The following EPHB1 variants were observed in gnomAD, a reference collection of about 807,000 sequenced individuals.
EPHB1 encodes the protein EPH receptor B1.
In EPHB1, 30 loss-of-function variants were observed where a neutral mutation model predicts 94.4. The observed-to-expected ratio is 0.32, with a 90% CI of 0.24 to 0.43. The LOEUF is 0.43. EPHB1 is among the 20% of genes least tolerant of loss of function. EPHB1 has a pLI of 1.00. For missense variants in EPHB1, 1,055 were observed against 1,308.3 expected (o/e 0.81, Z 2.99); for synonymous variants, 522 against 489.1 (o/e 1.07, Z -0.89).
chr3:135,006,029 C>G (rs1420609653), intron 3 of EPHB1, among the ~76,000 whole-genome samples: 2 of 152,250 alleles, frequency 1.3e-5, no homozygotes, highest in Admixed American at 6.5e-5. Flanking sequence ...CCTGCTCACT[C>G]TTCTCTCTCC....
In EPHB1 at chr3:135,232,602, A is replaced by T. The variant is rs200861042; in HGVS notation, c.2347-8546A>T. Among the ~76,000 whole-genome samples, 24 of 126,560 alleles carry T rather than the reference A, an allele frequency of 1.9e-4. No individual in the cohort carries two copies. In the East Asian group the frequency reaches 5.1e-3, roughly 27 times the overall value. 83.0% of individuals were successfully genotyped at this position (126,560 alleles called of 152,430 possible). On this transcript the variant is annotated intron_variant, in intron 12 of 15. Transcript: ENST00000398015. Reference sequence around the variant, plus strand: ...GATATACTTGACAGAAACATTAATGAGGCCAATTTGCTGCTTTTTTTCCTT... The same window carrying T: ...GATATACTTGACAGAAACATTAATGTGGCCAATTTGCTGCTTTTTTTCCTT...
At chr3:134,909,434 G>C (rs1222753472) in intron 1 of EPHB1, among the ~76,000 whole-genome samples, 2 of 152,214 alleles carry the variant, frequency 1.3e-5, no homozygotes, top group African/African-American at 4.8e-5. Context: ...TCAAGCTTGG[G>C]GTGGAGGAGC....
chr3:135,199,957 A>T (rs1276006195), intron 11 of EPHB1, among the ~76,000 whole-genome samples: 1 of 152,200 alleles, frequency 6.6e-6, no homozygotes, highest in Non-Finnish European at 1.5e-5. Context: ...CTCATTGTCT[A>T]TGCTTTCTGC....
chr3:134,801,826 A>G (rs1010039620), intron 1 of EPHB1, among the ~76,000 whole-genome samples: 1 of 152,194 alleles, frequency 6.6e-6, no homozygotes, highest in African/African-American at 2.4e-5. Context: ...CATCTGCTCC[A>G]TCAAAGGTCC....
intron 3 of EPHB1, among the ~76,000 whole-genome samples, chr3:135,009,563 T>C (rs1225478863): frequency 6.6e-6 from 1 of 152,208 alleles, no homozygotes; most frequent in Non-Finnish European, 1.5e-5. Context: ...CTGCCAAAGC[T>C]GCAGGCACTG....
chr3:135,133,056 C>G lies in EPHB1; in HGVS notation c.1297+7C>G. The G allele has an allele frequency of 6.4e-7, 1 of 1,568,694 alleles. No individual in the cohort carries two copies. ...ATCACCACAAACCAAGCCGGTAAGT[C>G]TGGAGGCTTCTGTGCTCCTGTTTGG... On this transcript the variant is annotated splice_region_variant and intron_variant, in intron 5 of 15. Transcript: ENST00000398015.
At chr3:135,095,749 TGA>T (rs1938735091) in intron 3 of EPHB1, among the ~76,000 whole-genome samples, 1 of 152,176 alleles carries the variant, frequency 6.6e-6, no homozygotes, top group South Asian at 2.1e-4. Flanking sequence ...GGTCCTTGAC[TGA>T]GTCATTTTCA....
chr3:135,145,934 C>T (rs569018631), intron 5 of EPHB1, among the ~76,000 whole-genome samples: 5 of 152,290 alleles, frequency 3.3e-5, no homozygotes, highest in South Asian at 2.1e-4. Flanking sequence ...GAGAAGAGCC[C>T]GCAATCATTG....
At chr3:135,185,663 G>C (rs986867933) in intron 10 of EPHB1, among the ~76,000 whole-genome samples, 1 of 152,222 alleles carries the variant, frequency 6.6e-6, no homozygotes, top group African/African-American at 2.4e-5. Flanking sequence ...AACCCAGCTA[G>C]AGCTGATCCA....
At chr3:135,149,453 T>C (rs1463608082) in intron 5 of EPHB1, among the ~76,000 whole-genome samples, 2 of 152,256 alleles carry the variant, frequency 1.3e-5, no homozygotes, top group Non-Finnish European at 2.9e-5. Flanking sequence ...CATCCCTCTT[T>C]AATCTTTAGC....
rs536932743 is a variant in EPHB1 at position 135,204,524 on chromosome 3, A to T, written c.2346+2835A>T. Among the ~76,000 whole-genome samples, 314 of 151,484 alleles carry T rather than the reference A, an allele frequency of 2.1e-3. 1 individual carries two copies. The highest frequency in any genetic ancestry group is 3.4e-3 in the Non-Finnish European group (234 of 67,886). ...TCTGGCCTATTTATTCATTTTTTTGAGACAGAGTCTTTGTCACACAGGCTG... is the reference window on the plus strand; with the variant it reads ...TCTGGCCTATTTATTCATTTTTTTGTGACAGAGTCTTTGTCACACAGGCTG... On this transcript the variant is annotated intron_variant, in intron 12 of 15. Coordinates refer to ENST00000398015, the MANE Select transcript of EPHB1 (RefSeq NM_004441.5).
intron 3 of EPHB1, among the ~76,000 whole-genome samples, chr3:134,960,323 G>C (rs540511612): frequency 6.6e-6 from 1 of 151,930 alleles, no homozygotes; most frequent in East Asian, 2.0e-4. Flanking sequence ...TTGCCAACAG[G>C]TCTTTGACAG....
At chr3:135,092,991 C>T (rs140822011) in intron 3 of EPHB1, among the ~76,000 whole-genome samples, 256 of 152,276 alleles carry the variant, frequency 1.7e-3, no homozygotes, top group Middle Eastern at 3.4e-3. Flanking sequence ...ATTGGGGGCT[C>T]CTCCAGACCC....
At chr3:135,255,528 T>G (rs545967374) in intron 15 of EPHB1, among the ~76,000 whole-genome samples, 179 of 147,254 alleles carry the variant, frequency 1.2e-3, no homozygotes, top group African/African-American at 4.4e-3. Flanking sequence ...TGAGCGGTTT[T>G]GAGTGAGATT....
At chr3:135,199,811 G>A (rs1200940043) in intron 11 of EPHB1, among the ~76,000 whole-genome samples, 1 of 152,224 alleles carries the variant, frequency 6.6e-6, no homozygotes, top group Non-Finnish European at 1.5e-5. Flanking sequence ...TTGCTCCTAA[G>A]TAGAGTATTT....
At chr3:135,143,054 G>A (rs1225642947) in intron 5 of EPHB1, among the ~76,000 whole-genome samples, 2 of 152,160 alleles carry the variant, frequency 1.3e-5, no homozygotes, top group East Asian at 1.9e-4. Flanking sequence ...GGGCTGCAAG[G>A]CAAAGGTGTC....
At chr3:134,844,358 G>A (rs1342250851) in intron 1 of EPHB1, among the ~76,000 whole-genome samples, 1 of 152,182 alleles carries the variant, frequency 6.6e-6, no homozygotes, top group Non-Finnish European at 1.5e-5. Flanking sequence ...TTTCCAGTGG[G>A]ATCTTCCACC....
In EPHB1 at chr3:135,012,044, C is replaced by A. The variant is rs754100647; in HGVS notation, c.805+59992C>A. On this transcript the variant is annotated intron_variant, in intron 3 of 15. Transcript: ENST00000398015. Reference sequence around the variant, plus strand: ...CTATTCCATGCCAGAGAGAGTCTGTCAGAGTCTTCTATATACGTAATGAGG... The same window carrying A: ...CTATTCCATGCCAGAGAGAGTCTGTAAGAGTCTTCTATATACGTAATGAGG... Among the ~76,000 whole-genome samples the A allele has an allele frequency of 5.9e-5, 9 of 152,220 alleles. No individual in the cohort carries two copies. The East Asian group carries it at 1.2e-3, about 20-fold the overall frequency.
chr3:135,257,295 G>T (rs1933441388), intron 15 of EPHB1, among the ~76,000 whole-genome samples: 1 of 152,182 alleles, frequency 6.6e-6, no homozygotes, highest in East Asian at 1.9e-4. Context: ...GAGGCGCTCT[G>T]CTTTTTAAAG....
Sources: gnomAD v4.1 joint callset for allele counts (sites outside exome capture counted in the v4.1 genomes callset) on GRCh38, gnomAD v4.1.1 for gene constraint, MANE v1.5 for transcripts, NCBI Gene and HGNC (gene_info 2026-07-23, HGNC 2026-07-21) for gene names.